The following SEZ6L variants were observed in gnomAD, a reference collection of about 807,000 sequenced individuals.
The protein encoded by SEZ6L is seizure related 6 homolog like, also known as seizure 6-like protein.
SEZ6L carries 37 observed loss-of-function variants against 106.2 expected under a neutral mutation model. That is an observed-to-expected ratio of 0.35 (90% CI 0.27 to 0.46). The LOEUF is 0.46. Ranked by LOEUF, SEZ6L falls within the 20% of genes least tolerant of loss-of-function variation. The pLI is 1.00. For synonymous variants in SEZ6L, 541 were observed against 570.4 expected (o/e 0.95, Z 0.73); for missense variants, 1,172 against 1,332.8 (o/e 0.88, Z 1.88).
intron 9 of SEZ6L, among the ~76,000 whole-genome samples, chr22:26,338,847 C>T (rs549859960): frequency 1.4e-4 from 18 of 132,746 alleles, no homozygotes; most frequent in East Asian, 1.3e-3. Context: ...TGAGCCACCA[C>T]GCCCGGACTT....
intron 1 of SEZ6L, among the ~76,000 whole-genome samples, chr22:26,170,397 T>A (rs747594426): frequency 2.0e-4 from 31 of 151,854 alleles, no homozygotes; most frequent in Non-Finnish European, 3.7e-4. Context: ...GGAGAAGAGA[T>A]GTTAGTTAGC....
At chr22:26,279,095 C>T (rs2080669938) in intron 1 of SEZ6L, among the ~76,000 whole-genome samples, 1 of 152,200 alleles carries the variant, frequency 6.6e-6, no homozygotes, top group Admixed American at 6.5e-5. Context: ...AGTGCCTCGA[C>T]TTCCCATGGA....
intron 1 of SEZ6L, among the ~76,000 whole-genome samples, chr22:26,285,569 GTCACAA>G (rs1214262453): frequency 6.6e-6 from 1 of 152,190 alleles, no homozygotes; most frequent in East Asian, 1.9e-4. Flanking sequence ...ATTTTTGGTT[GTCACAA>G]CTGGGCAGGT....
intron 1 of SEZ6L, among the ~76,000 whole-genome samples, chr22:26,227,410 C>T (rs1446069357): frequency 1.3e-5 from 2 of 151,940 alleles, no homozygotes; most frequent in African/African-American, 4.8e-5. Context: ...CATAATAGGG[C>T]TTTGTTTTAT....
intron 1 of SEZ6L, among the ~76,000 whole-genome samples, chr22:26,199,132 GA>G (rs777023724): frequency 5.3e-5 from 8 of 152,210 alleles, no homozygotes; most frequent in Non-Finnish European, 7.3e-5. Context: ...CTAAAGAATG[GA>G]AAAGGATGGT....
chr22:26,233,845 G>A (rs1236914265), intron 1 of SEZ6L, among the ~76,000 whole-genome samples: 1 of 152,162 alleles, frequency 6.6e-6, no homozygotes, highest in Admixed American at 6.5e-5. Flanking sequence ...CCCCATAGAA[G>A]GTGACATTTG....
intron 1 of SEZ6L, among the ~76,000 whole-genome samples, chr22:26,175,436 C>G (rs534227590): frequency 6.6e-6 from 1 of 152,070 alleles, no homozygotes; most frequent in African/African-American, 2.4e-5. Context: ...ATCCTTGGTG[C>G]CTTCCAAGCT....
At chr22:26,243,746 G>A (rs2079219301) in intron 1 of SEZ6L, among the ~76,000 whole-genome samples, 1 of 152,140 alleles carries the variant, frequency 6.6e-6, no homozygotes, top group Admixed American at 6.5e-5. Flanking sequence ...TAAAAGAAGA[G>A]GAGGAGGACA....
intron 1 of SEZ6L, among the ~76,000 whole-genome samples, chr22:26,205,980 C>T (rs1047860888): frequency 3.3e-5 from 5 of 152,088 alleles, no homozygotes; most frequent in African/African-American, 9.7e-5. Context: ...CATCCTTCAC[C>T]CTCCTGTTAC....
intron 4 of SEZ6L, among the ~76,000 whole-genome samples, chr22:26,297,894 A>G (rs1472982832): frequency 1.4e-5 from 2 of 147,568 alleles, no homozygotes; most frequent in Non-Finnish European, 3.0e-5. Context: ...ATTTCCTCCT[A>G]TGCAGCTCCC....
chr22:26,221,740 GCACACACACA>G (rs3222745), intron 1 of SEZ6L, among the ~76,000 whole-genome samples: 399 of 149,394 alleles, frequency 2.7e-3, no homozygotes, highest in African/African-American at 9.5e-3. Context: ...GCACACGCGT[GCACACACACA>G]CACACACACA....
chr22:26,231,850 C>T (rs1040568672), intron 1 of SEZ6L, among the ~76,000 whole-genome samples: 2 of 152,174 alleles, frequency 1.3e-5, no homozygotes, highest in Admixed American at 1.3e-4. Flanking sequence ...CTAAGTTTGG[C>T]CCTTAGCTGT....
intron 1 of SEZ6L, among the ~76,000 whole-genome samples, chr22:26,212,062 G>T (rs1308039276): frequency 1.3e-5 from 2 of 152,220 alleles, no homozygotes; most frequent in East Asian, 3.9e-4. Flanking sequence ...AAGCTAACTA[G>T]GTGAAGGGGA....
intron 12 of SEZ6L, among the ~76,000 whole-genome samples, chr22:26,360,825 C>T (rs2083592187): frequency 6.6e-6 from 1 of 151,784 alleles, no homozygotes; most frequent in Non-Finnish European, 1.5e-5. Flanking sequence ...TAATTCACTG[C>T]TTCATACCCA....
At chr22:26,213,620 C>T (rs1254937817) in intron 1 of SEZ6L, among the ~76,000 whole-genome samples, 1 of 152,174 alleles carries the variant, frequency 6.6e-6, no homozygotes, top group Non-Finnish European at 1.5e-5. Flanking sequence ...TTAAACCTTC[C>T]CTTCTCTTCC....
intron 13 of SEZ6L, among the ~76,000 whole-genome samples, chr22:26,372,749 C>A (rs1484874488): frequency 6.6e-6 from 1 of 152,118 alleles, no homozygotes; most frequent in Admixed American, 6.6e-5. Context: ...TGATGTTGAA[C>A]CTCCGGAGAA....
chr22:26,268,763 C>G (rs995902537), intron 1 of SEZ6L, among the ~76,000 whole-genome samples: 1 of 152,194 alleles, frequency 6.6e-6, no homozygotes, highest in African/African-American at 2.4e-5. Context: ...ACTGCCCTAG[C>G]TGTGACAACT....
intron 4 of SEZ6L, among the ~76,000 whole-genome samples, chr22:26,298,475 G>A (rs978447466): frequency 1.3e-5 from 2 of 152,196 alleles, no homozygotes; most frequent in African/African-American, 2.4e-5. Context: ...GTCTCAAGGT[G>A]ACATCGTTTT....
chr22:26,246,260 C>T (rs556780973), intron 1 of SEZ6L, among the ~76,000 whole-genome samples: 116 of 152,324 alleles, frequency 7.6e-4, no homozygotes, highest in African/African-American at 2.7e-3. Context: ...TAAGACACAG[C>T]CTCTCCTGTT....
Sources: gnomAD v4.1 joint callset for allele counts (sites outside exome capture counted in the v4.1 genomes callset) on GRCh38, gnomAD v4.1.1 for gene constraint, MANE v1.5 for transcripts, NCBI Gene and HGNC (gene_info 2026-07-23, HGNC 2026-07-21) for gene names.